The following ZBTB16 variants were observed in gnomAD, a reference collection of about 807,000 sequenced individuals.
The protein encoded by ZBTB16 is zinc finger and BTB domain-containing protein 16.
In ZBTB16, 8 loss-of-function variants were observed where a neutral mutation model predicts 56.8. The observed-to-expected ratio is 0.14, with a 90% CI of 0.08 to 0.25. The LOEUF (loss-of-function observed/expected upper bound fraction) is 0.25, where lower values mean the gene tolerates loss of function less well. ZBTB16 is among the 10% of genes least tolerant of loss of function. The pLI, the probability that ZBTB16 is intolerant of heterozygous loss-of-function variation, is 1.00. For missense variants in ZBTB16, 625 were observed against 903.0 expected, an observed-to-expected ratio of 0.69 and a Z score of 3.95; for synonymous variants, 363 against 368.5, an observed-to-expected ratio of 0.98 and a Z score of 0.17.
intron 4 of ZBTB16, among the ~76,000 whole-genome samples, chr11:114,211,886 C>T (rs1166646160): frequency 6.6e-6 from 1 of 152,208 alleles, no homozygotes; most frequent in Non-Finnish European, 1.5e-5. Context: ...CCCTGGAATG[C>T]TGAGGGGGGC....
chr11:114,166,996 A>G (rs904998957), intron 3 of ZBTB16, among the ~76,000 whole-genome samples: 1 of 151,996 alleles, frequency 6.6e-6, no homozygotes, highest in Admixed American at 6.6e-5. Context: ...TGTCTCTTTC[A>G]CTTTGGGTAA....
chr11:114,233,096 C>CAT (rs1697474441), intron 4 of ZBTB16, among the ~76,000 whole-genome samples: 1 of 34,732 alleles, frequency 2.9e-5, no homozygotes, highest in Non-Finnish European at 8.4e-5. Context: ...CACACACACA[C>CAT]ACACACACAC....
chr11:114,098,461 A>G (rs896952357), intron 2 of ZBTB16, among the ~76,000 whole-genome samples: 3 of 151,762 alleles, frequency 2.0e-5, no homozygotes, highest in Non-Finnish European at 4.4e-5. Context: ...TAATGTAACT[A>G]TACATTGATT....
chr11:114,189,611 G>C (rs634213), intron 4 of ZBTB16: 90,351 of 151,754 alleles, frequency 0.6, 27,495 homozygotes, highest in African/African-American at 0.71. Context: ...TAAAAAAATA[G>C]AAAAATTAGC....
intron 4 of ZBTB16, among the ~76,000 whole-genome samples, chr11:114,217,380 A>T (rs1944128474): frequency 6.6e-6 from 1 of 152,130 alleles, no homozygotes. Context: ...TATCCTGATG[A>T]GGGATGCTTA....
intron 2 of ZBTB16, among the ~76,000 whole-genome samples, chr11:114,131,865 GT>G (rs1360887820): frequency 6.6e-6 from 1 of 152,124 alleles, no homozygotes; most frequent in Non-Finnish European, 1.5e-5. Context: ...AATCTGTCTG[GT>G]TTTGGTATGA....
chr11:114,140,167 G>T (rs1941909010), intron 2 of ZBTB16, among the ~76,000 whole-genome samples: 1 of 152,106 alleles, frequency 6.6e-6, no homozygotes, highest in South Asian at 2.1e-4. Context: ...TGCTGTTTTG[G>T]TGCCTGTTTC....
At chr11:114,111,565 T>C (rs1039941326) in intron 2 of ZBTB16, among the ~76,000 whole-genome samples, 3 of 152,202 alleles carry the variant, frequency 2.0e-5, no homozygotes, top group African/African-American at 7.2e-5. Flanking sequence ...TCACTGAAAT[T>C]GGTTGCTTCC....
chr11:114,089,987 T>C (rs977734131), intron 2 of ZBTB16, among the ~76,000 whole-genome samples: 3 of 152,258 alleles, frequency 2.0e-5, no homozygotes, highest in East Asian at 1.9e-4. Flanking sequence ...TTGGCTGCTC[T>C]TGCTTGCTGC....
At chr11:114,213,481 A>G (rs1944036286) in intron 4 of ZBTB16, among the ~76,000 whole-genome samples, 2 of 152,208 alleles carry the variant, frequency 1.3e-5, no homozygotes, top group African/African-American at 4.8e-5. Flanking sequence ...CTGATAGGGC[A>G]CCACTGTGAA....
At chr11:114,131,475 A>G (rs985464504) in intron 2 of ZBTB16, among the ~76,000 whole-genome samples, 1 of 152,112 alleles carries the variant, frequency 6.6e-6, no homozygotes, top group Non-Finnish European at 1.5e-5. Context: ...CTTCGAATTC[A>G]TTGACGTTTA....
intron 2 of ZBTB16, among the ~76,000 whole-genome samples, chr11:114,089,725 A>G (rs1274385804): frequency 2.0e-5 from 3 of 152,330 alleles, no homozygotes; most frequent in South Asian, 2.1e-4. Context: ...ATCTTTTTGC[A>G]TCTGAGTTAG....
At chr11:114,124,127 C>T (rs1941422948) in intron 2 of ZBTB16, among the ~76,000 whole-genome samples, 1 of 152,116 alleles carries the variant, frequency 6.6e-6, no homozygotes. Context: ...CTCTTTGTGA[C>T]TCTTAGGACA....
intron 4 of ZBTB16, among the ~76,000 whole-genome samples, chr11:114,221,916 G>C (rs749266672): frequency 6.6e-6 from 1 of 152,170 alleles, no homozygotes; most frequent in African/African-American, 2.4e-5. Context: ...TTGGAGTCTG[G>C]AAGAACAAAG....
chr11:114,155,209 G>A (rs1026847482), intron 2 of ZBTB16, among the ~76,000 whole-genome samples: 1 of 152,238 alleles, frequency 6.6e-6, no homozygotes, highest in African/African-American at 2.4e-5. Context: ...TGGCTGCCAC[G>A]CCTGCCCTGT....
chr11:114,188,809 G>A (rs1943426922), intron 4 of ZBTB16: 1 of 152,208 alleles, frequency 6.6e-6, no homozygotes, highest in Non-Finnish European at 1.5e-5. Flanking sequence ...GAGAATAATA[G>A]GGAGAAAAGA....
intron 3 of ZBTB16, among the ~76,000 whole-genome samples, chr11:114,173,638 A>G (rs1330037485): frequency 6.6e-6 from 1 of 152,240 alleles, no homozygotes; most frequent in Non-Finnish European, 1.5e-5. Flanking sequence ...CAGTGAGTAA[A>G]GGGCAGACTA....
intron 4 of ZBTB16, among the ~76,000 whole-genome samples, chr11:114,194,937 C>T (rs924705346): frequency 1.3e-5 from 2 of 152,146 alleles, no homozygotes; most frequent in Admixed American, 6.5e-5. Flanking sequence ...TTTTAATGAC[C>T]GATCAGTAAT....
intron 2 of ZBTB16, among the ~76,000 whole-genome samples, chr11:114,096,330 G>A (rs1036071465): frequency 1.3e-5 from 2 of 152,098 alleles, no homozygotes; most frequent in African/African-American, 4.8e-5. Context: ...TCTGATTTGT[G>A]GTAAGACATA....
Sources: allele counts gnomAD v4.1 joint callset (sites outside exome capture counted in the v4.1 genomes callset), GRCh38; gene constraint gnomAD v4.1.1; transcripts MANE v1.5; gene names NCBI Gene and HGNC (gene_info 2026-07-23, HGNC 2026-07-21).